MAST2: variants seen among roughly 807,000 people sequenced by gnomAD.
MAST2 encodes microtubule associated serine/threonine kinase 2.
A neutral mutation model predicts 147.4 loss-of-function variants in MAST2; 70 were observed. The ratio of observed to expected loss-of-function variants is 0.47; its 90% CI spans 0.39 to 0.58. The LOEUF (loss-of-function observed/expected upper bound fraction) is 0.58, where lower values mean the gene tolerates loss of function less well. Ranked by LOEUF, MAST2 falls within the 20% of genes least tolerant of loss-of-function variation. MAST2 has a pLI of 0.00. For synonymous variants in MAST2, 869 were observed against 896.8 expected, an observed-to-expected ratio of 0.97 and a Z score of 0.55; for missense variants, 2,080 against 2,302.3, an observed-to-expected ratio of 0.90 and a Z score of 1.98.
chr1:45,886,281 ATT>A (rs1647082179), intron 4 of MAST2, among the ~76,000 whole-genome samples: 1 of 144,646 alleles, frequency 6.9e-6, no homozygotes, highest in Non-Finnish European at 1.5e-5. Flanking sequence ...ATATTTATAT[ATT>A]GTATACATAT....
At chr1:45,999,310 C>T (rs1332484950) in intron 6 of MAST2, among the ~76,000 whole-genome samples, 1 of 152,142 alleles carries the variant, frequency 6.6e-6, no homozygotes, top group African/African-American at 2.4e-5. Context: ...AAGCAAGGAT[C>T]CAGATAAGAT....
Position 45,949,798 on chromosome 1 carries a change from G to A in MAST2, c.501-9588G>A, listed in dbSNP as rs140007896. Among the ~76,000 whole-genome samples the A allele has an allele frequency of 4.3e-4, 66 of 152,226 alleles. 1 individual carries two copies. The highest frequency in any genetic ancestry group is 2.7e-3 in the East Asian group (14 of 5,174). On this transcript the variant is annotated intron_variant, in intron 4 of 28. Transcript: ENST00000361297. ...GTTCATTATAGCACTATTCACATTA[G>A]CAAAGACATGGAATCAACCTAAATG...
chr1:45,804,662 A>G (rs1644086609), intron 1 of MAST2, among the ~76,000 whole-genome samples: 1 of 152,248 alleles, frequency 6.6e-6, no homozygotes, highest in East Asian at 1.9e-4. Context: ...TCGTAGATAT[A>G]TGGTTTGCCT....
intron 5 of MAST2, among the ~76,000 whole-genome samples, chr1:45,978,870 A>G (rs1644282634): frequency 6.6e-6 from 1 of 152,180 alleles, no homozygotes; most frequent in Non-Finnish European, 1.5e-5. Flanking sequence ...AGTAGAGGGA[A>G]ATGAAGAGTG....
chr1:45,995,688 A>G (rs1645027794), intron 5 of MAST2, among the ~76,000 whole-genome samples: 1 of 152,198 alleles, frequency 6.6e-6, no homozygotes, highest in South Asian at 2.1e-4. Context: ...CCAAACTGGC[A>G]TGACAGGCGT....
chr1:45,861,535 CA>C (rs753802771), intron 3 of MAST2, among the ~76,000 whole-genome samples: 41 of 151,934 alleles, frequency 2.7e-4, no homozygotes, highest in Non-Finnish European at 4.9e-4. Context: ...ACTAAAGTTA[CA>C]AATATTTTGT....
intron 4 of MAST2, among the ~76,000 whole-genome samples, chr1:45,948,706 CAAAAAAA>C (rs34012353): frequency 9.9e-5 from 4 of 40,238 alleles, no homozygotes; most frequent in South Asian, 2.1e-3. Flanking sequence ...GACTCCATCT[CAAAAAAA>C]AAAAAAAAAA....
chr1:45,939,149 A>T (rs1656753428), intron 4 of MAST2, among the ~76,000 whole-genome samples: 1 of 150,790 alleles, frequency 6.6e-6, no homozygotes. Context: ...GAAGTTTTAC[A>T]TTTTCTACTC....
At chr1:45,891,633 T>C (rs1437198885) in intron 4 of MAST2, among the ~76,000 whole-genome samples, 1 of 152,098 alleles carries the variant, frequency 6.6e-6, no homozygotes, top group African/African-American at 2.4e-5. Flanking sequence ...CTAGTAACCT[T>C]TTTTTCTTTT....
intron 3 of MAST2, among the ~76,000 whole-genome samples, chr1:45,854,401 G>A (rs917555324): frequency 6.6e-6 from 1 of 151,270 alleles, no homozygotes; most frequent in African/African-American, 2.4e-5. Flanking sequence ...TTTCTGTTCA[G>A]TTCACTTATG....
In MAST2 at chr1:46,035,094, A is replaced by G. The variant is rs753323617; in HGVS notation, c.4425A>G (p.Ser1475=). 1.2e-6 allele frequency: 2 copies of G among 1,613,544 alleles called. No individual in the cohort carries two copies. The highest frequency in any genetic ancestry group is 2.7e-5 in the African/African-American group (2 of 75,026). The change falls in exon 29 of 29, where the codon TCA becomes TCG. Residue 1475 remains serine (S), a synonymous_variant. Transcript: ENST00000361297. This position sits in a 1 kb window ranked among gnomAD's most constrained non-coding sequence, Gnocchi z 5.5. ...PGKGVLQPAP[S]RALGTLRQDR... Reference sequence around the variant, plus strand: ...AGGGGGTGCTGCAGCCTGCTCCCTCACGGGCCCTAGGCACCCTCCGGCAGG... The same window carrying G: ...AGGGGGTGCTGCAGCCTGCTCCCTCGCGGGCCCTAGGCACCCTCCGGCAGG...
chr1:45,844,576 G>A (rs976344364), intron 3 of MAST2, among the ~76,000 whole-genome samples: 17 of 151,908 alleles, frequency 1.1e-4, no homozygotes, highest in African/African-American at 3.9e-4. Context: ...GAGCCACCGC[G>A]GCCAGCTTAA....
chr1:45,911,853 ATAT>A (rs10595888), intron 4 of MAST2, among the ~76,000 whole-genome samples: 37,960 of 135,330 alleles, frequency 0.28, 5,608 homozygotes, highest in East Asian at 0.39. Context: ...TATTATTGTT[ATAT>A]TATTATTATT....
intron 4 of MAST2, among the ~76,000 whole-genome samples, chr1:45,905,739 G>A (rs1305631491): frequency 6.6e-6 from 1 of 151,148 alleles, no homozygotes. Context: ...TCGCGCCACT[G>A]CACTGCAGCC....
intron 4 of MAST2, among the ~76,000 whole-genome samples, chr1:45,936,992 C>T (rs1364547165): frequency 2.7e-5 from 4 of 150,208 alleles, no homozygotes; most frequent in Non-Finnish European, 4.4e-5. Context: ...GTCCTTCCAC[C>T]TGGCCTCCTG....
At chr1:45,905,504 C>T (rs1650541453) in intron 4 of MAST2, among the ~76,000 whole-genome samples, 2 of 152,256 alleles carry the variant, frequency 1.3e-5, no homozygotes, top group East Asian at 1.9e-4. Context: ...GCCGGCTGTG[C>T]GCGGTGGCTC....
intron 3 of MAST2, among the ~76,000 whole-genome samples, chr1:45,842,410 T>C (rs1026284481): frequency 1.3e-5 from 2 of 152,234 alleles, no homozygotes; most frequent in Admixed American, 6.5e-5. Context: ...GCCACCTCTA[T>C]CTAGCTGCAA....
intron 4 of MAST2, among the ~76,000 whole-genome samples, chr1:45,896,042 AT>A (rs71062724): frequency 0.97 from 126,113 of 129,448 alleles, 61,399 homozygotes; most frequent in South Asian, 0.99. Flanking sequence ...TATTTCTTAG[AT>A]TTTTTTTTTT....
chr1:45,803,706 A>G lies in MAST2; in HGVS notation c.-190A>G. Reference sequence around the variant, plus strand: ...CAGCGATGCTGTCTCTTCCGTGAGGAGCGCAGAGGAGGTCGCGGCGCCGGA... The same window carrying G: ...CAGCGATGCTGTCTCTTCCGTGAGGGGCGCAGAGGAGGTCGCGGCGCCGGA... On this transcript the variant is annotated 5_prime_UTR_variant, in exon 1 of 29. Transcript: ENST00000361297. 1 of 344,268 alleles carries G rather than the reference A, an allele frequency of 2.9e-6. No individual in the cohort carries two copies. The highest frequency in any genetic ancestry group is 5.2e-6 in the Non-Finnish European group (1 of 193,906). The allele number at this position is 344,268 out of a possible 1,614,324, so 21.3% of individuals were successfully genotyped here.
Sources: allele counts gnomAD v4.1 joint callset (sites outside exome capture counted in the v4.1 genomes callset), GRCh38; gene constraint gnomAD v4.1.1; non-coding constraint Gnocchi (gnomAD v3.1); transcripts MANE v1.5; gene names NCBI Gene and HGNC (gene_info 2026-07-23, HGNC 2026-07-21).